Variants in CYTH1 observed in about 807,000 individuals in gnomAD.
CYTH1 encodes cytohesin 1, also known as cytohesin-1.
Under a neutral mutation model 61.8 loss-of-function variants are expected in CYTH1, and 18 were observed. That is an observed-to-expected ratio of 0.29 (90% CI 0.20 to 0.43). The LOEUF (loss-of-function observed/expected upper bound fraction) is 0.43. CYTH1 is among the 20% of genes least tolerant of loss of function. CYTH1 has a pLI of 1.00. For missense variants in CYTH1, 336 were observed against 510.5 expected (o/e 0.66, Z 3.29); for synonymous variants, 174 against 184.3 (o/e 0.94, Z 0.45).
chr17:78,693,258 G>A (rs553226377), intron 10 of CYTH1, among the ~76,000 whole-genome samples: 1 of 152,284 alleles, frequency 6.6e-6, no homozygotes, highest in Non-Finnish European at 1.5e-5. Flanking sequence ...GGCAAAACAA[G>A]CTCTGGCGGT....
intron 1 of CYTH1, among the ~76,000 whole-genome samples, chr17:78,772,249 G>A (rs1212380506): frequency 6.6e-6 from 1 of 152,114 alleles, no homozygotes; most frequent in African/African-American, 2.4e-5. Flanking sequence ...ACTCGACACG[G>A]CTCTCAAGTT....
intron 11 of CYTH1, among the ~76,000 whole-genome samples, chr17:78,683,979 T>C (rs1284890106): frequency 1.3e-5 from 2 of 152,206 alleles, no homozygotes; most frequent in Non-Finnish European, 2.9e-5. Context: ...TGTATACTCT[T>C]TGACTGGTGA....
intron 11 of CYTH1, among the ~76,000 whole-genome samples, chr17:78,690,294 C>A (rs528813153): frequency 4.7e-4 from 68 of 143,954 alleles, no homozygotes; most frequent in African/African-American, 1.7e-3. Context: ...CTCCGGAGGC[C>A]GAGGCAGGAG....
intron 11 of CYTH1, among the ~76,000 whole-genome samples, chr17:78,690,074 A>G (rs2092863170): frequency 6.6e-6 from 1 of 151,632 alleles, no homozygotes; most frequent in Non-Finnish European, 1.5e-5. Flanking sequence ...CTGTTAGGTA[A>G]TTCTGTGTGG....
chr17:78,703,814 C>A (rs1028109312), intron 3 of CYTH1, among the ~76,000 whole-genome samples: 1 of 152,204 alleles, frequency 6.6e-6, no homozygotes, highest in Non-Finnish European at 1.5e-5. Context: ...TAAACCACAT[C>A]TGTTTATCCA....
chr17:78,778,785 T>A (rs926833190), intron 1 of CYTH1, among the ~76,000 whole-genome samples: 7 of 151,642 alleles, frequency 4.6e-5, no homozygotes, highest in African/African-American at 1.2e-4. Flanking sequence ...ATTTAAAAAA[T>A]AATAATAATA....
At chr17:78,735,612 C>T (rs929658386) in intron 1 of CYTH1, among the ~76,000 whole-genome samples, 2 of 152,168 alleles carry the variant, frequency 1.3e-5, no homozygotes, top group Non-Finnish European at 2.9e-5. Context: ...CAGTGTCGCC[C>T]GTGGACACTG....
chr17:78,755,548 G>C (rs2093397441), intron 1 of CYTH1, among the ~76,000 whole-genome samples: 2 of 148,790 alleles, frequency 1.3e-5, no homozygotes, highest in South Asian at 4.3e-4. Flanking sequence ...AACATTGTAT[G>C]ATTTCACTTA....
intron 11 of CYTH1, among the ~76,000 whole-genome samples, chr17:78,682,817 C>G (rs1343270498): frequency 6.6e-6 from 1 of 152,188 alleles, no homozygotes; most frequent in Non-Finnish European, 1.5e-5. Context: ...CTGAGGCCCC[C>G]TAAGGAGGCA....
At chr17:78,728,171 A>T (rs760966226) in intron 1 of CYTH1, among the ~76,000 whole-genome samples, 42 of 152,218 alleles carry the variant, frequency 2.8e-4, no homozygotes, top group Admixed American at 6.5e-4. Flanking sequence ...GGAAAAAGAA[A>T]CATGGAAAAC....
intron 1 of CYTH1, chr17:78,723,958 G>A (rs563434236): frequency 2.6e-5 from 4 of 152,354 alleles, no homozygotes; most frequent in African/African-American, 9.7e-5. Context: ...TTCCTCCAGG[G>A]ATCCCATGCC....
At chr17:78,733,011 C>T (rs112884540) in intron 1 of CYTH1, among the ~76,000 whole-genome samples, 1,625 of 147,216 alleles carry the variant, frequency 0.011, 30 homozygotes, top group African/African-American at 0.039. Flanking sequence ...CACTTGAACC[C>T]GGGAGGCAGA....
chr17:78,779,963 A>G (rs1388159040), intron 1 of CYTH1, among the ~76,000 whole-genome samples: 1 of 152,264 alleles, frequency 6.6e-6, no homozygotes, highest in Non-Finnish European at 1.5e-5. Context: ...AGTTCATGTC[A>G]TGCCTGGTGG....
In CYTH1 at chr17:78,717,484, A is replaced by G. The variant is rs36100830; in HGVS notation, c.23-7752T>C. ...GGAAAGCCACACAAGGGAAGCTTTC[A>G]TTTATTTATTTATTTAAATGTTGCT... On this transcript the variant is annotated intron_variant, in intron 1 of 13. Coordinates refer to ENST00000446868, the MANE Select transcript of CYTH1 (RefSeq NM_004762.6). The surrounding 1 kb of genome is among the most constrained non-coding windows in gnomAD (Gnocchi z 4.4). 7.1e-3 allele frequency among the ~76,000 whole-genome samples: 1,083 copies of G among 152,292 alleles called. 8 individuals carry two copies. Among genetic ancestry groups the G allele is most frequent in the South Asian group, 0.011 (53 of 4,824 alleles).
rs113914114 is a variant in CYTH1, at chr17:78,703,510, T to C, written c.171-906A>G. 3.4e-3 allele frequency among the ~76,000 whole-genome samples: 511 copies of C among 152,244 alleles called. 1 individual carries two copies. The highest frequency in any genetic ancestry group is 0.012 in the African/African-American group (490 of 41,534). ...TTGAATTTTTAGTATACTTACTAAG[T>C]TGTGCAACATCACCATAATCCAGTT... On this transcript the variant is annotated intron_variant, in intron 3 of 13. Coordinates refer to ENST00000446868, the MANE Select transcript of CYTH1 (RefSeq NM_004762.6).
At chr17:78,776,985 C>A (rs529870367) in intron 1 of CYTH1, among the ~76,000 whole-genome samples, 2 of 151,732 alleles carry the variant, frequency 1.3e-5, no homozygotes, top group African/African-American at 4.8e-5. Flanking sequence ...ATTAGCCAGG[C>A]GTGGTGACGC....
intron 1 of CYTH1, among the ~76,000 whole-genome samples, chr17:78,723,060 T>C (rs1352158099): frequency 6.6e-6 from 1 of 152,210 alleles, no homozygotes; most frequent in Non-Finnish European, 1.5e-5. Context: ...GAGGAGAGCA[T>C]AGAATGCAGA....
intron 1 of CYTH1, among the ~76,000 whole-genome samples, chr17:78,751,630 A>G (rs945635901): frequency 1.3e-5 from 2 of 152,214 alleles, no homozygotes; most frequent in East Asian, 1.9e-4. Flanking sequence ...ATGTCCAGAA[A>G]TGACCACGAA....
At chr17:78,758,872 T>C (rs1331812644) in intron 1 of CYTH1, among the ~76,000 whole-genome samples, 2 of 152,182 alleles carry the variant, frequency 1.3e-5, no homozygotes, top group African/African-American at 2.4e-5. Flanking sequence ...AGCACTTTCA[T>C]GCTGATATTC....
Sources: allele counts gnomAD v4.1 joint callset (sites outside exome capture counted in the v4.1 genomes callset), GRCh38; gene constraint gnomAD v4.1.1; non-coding constraint Gnocchi (gnomAD v3.1); transcripts MANE v1.5; gene names NCBI Gene and HGNC (gene_info 2026-07-23, HGNC 2026-07-21).